Variants in RSPH6A observed in about 807,000 individuals in gnomAD.
The protein encoded by RSPH6A is radial spoke head protein 6 homolog A.
In RSPH6A, 49 loss-of-function variants were observed where a neutral mutation model predicts 66.1. That is an observed-to-expected ratio of 0.74 (90% CI 0.59 to 0.94). The LOEUF is 0.94. Ranked by LOEUF, RSPH6A falls within the 40% of genes least tolerant of loss-of-function variation. RSPH6A has a pLI of 0.00. For missense variants in RSPH6A, 977 were observed against 948.3 expected (o/e 1.03, Z -0.40); for synonymous variants, 419 against 402.4 (o/e 1.04, Z -0.49).
chr19:45,799,865 G>A (rs938633877), intron 5 of RSPH6A, among the ~76,000 whole-genome samples: 2 of 152,162 alleles, frequency 1.3e-5, no homozygotes, highest in Non-Finnish European at 2.9e-5. Flanking sequence ...TGGCCAACAT[G>A]GTGAAATCTT....
At chr19:45,803,696 A>AAG (rs71338801) in intron 3 of RSPH6A, among the ~76,000 whole-genome samples, 2 of 132,260 alleles carry the variant, frequency 1.5e-5, no homozygotes, top group Admixed American at 7.1e-5. Context: ...AAGAAAAGAA[A>AAG]AAAAAAAAAA....
chr19:45,804,762 G>A lies in RSPH6A; in HGVS notation c.1143C>T (p.Gly381=), dbSNP rs1412988088. 1 of 1,612,158 alleles carries A rather than the reference G, an allele frequency of 6.2e-7. No homozygotes were observed. Among genetic ancestry groups the A allele is most frequent in the Non-Finnish European group, 8.5e-7 (1 of 1,179,098 alleles). ...CCTCGCCGTGCGCCTCCATGACCTC[G>A]CCACCTTCCGTCATCTCCTCCACCT... ...EEEVEEMTEG[G]EVMEAHGEEE... The change falls in exon 3 of 6, where the codon GGC becomes GGT. Residue 381 remains glycine (G), a synonymous_variant. Coordinates refer to ENST00000221538, the MANE Select transcript of RSPH6A (RefSeq NM_030785.4). The surrounding 1 kb of genome is among the most constrained non-coding windows in gnomAD (Gnocchi z 5.8).
At chr19:45,811,538 A>G (rs1321925282) in intron 1 of RSPH6A, among the ~76,000 whole-genome samples, 1 of 142,108 alleles carries the variant, frequency 7.0e-6, no homozygotes, top group Non-Finnish European at 1.5e-5. Flanking sequence ...CCTGGGTTCA[A>G]GCGATTTTCC....
Position 45,804,831 on chromosome 19 carries a change from G to C in RSPH6A, c.1074C>G (p.Ala358=), listed in dbSNP as rs565373202. Residue 358 remains alanine (A), a synonymous_variant, in exon 3 of 6, where the codon GCC becomes GCG. Coordinates refer to ENST00000221538, the MANE Select transcript of RSPH6A (RefSeq NM_030785.4). This position sits in a 1 kb window ranked among gnomAD's most constrained non-coding sequence, Gnocchi z 5.8. ...CCTCGCCCTCCCGGAATTCCACCTC[G>C]GCCACCAGGTAGCTGCGTTTGATTC... is the stretch of plus-strand genomic sequence containing the variant. The part of the protein sequence containing the change: ...ILGIKRSYLV[A]EVEFREGEEE... 6.2e-7 allele frequency: 1 copy of C among 1,614,008 alleles called. No individual in the cohort carries two copies. Among genetic ancestry groups the C allele is most frequent in the South Asian group, 1.1e-5 (1 of 91,078 alleles).
intron 1 of RSPH6A, among the ~76,000 whole-genome samples, chr19:45,814,162 GA>G (rs1438808542): frequency 2.7e-5 from 4 of 150,376 alleles, no homozygotes; most frequent in Admixed American, 1.3e-4. Context: ...ATGTCTGGGG[GA>G]AAAAAAAAGC....
chr19:45,806,237 CACA>C (rs1970541419), intron 2 of RSPH6A, among the ~76,000 whole-genome samples: 1 of 151,890 alleles, frequency 6.6e-6, no homozygotes, highest in Non-Finnish European at 1.5e-5. Flanking sequence ...GCTTGATTCA[CACA>C]GCCAGAGGAT....
At position 45,814,665 on chromosome 19, in the gene RSPH6A, G is replaced by T; in HGVS notation, c.512C>A (p.Pro171His). The T allele has an allele frequency of 6.2e-7, 1 of 1,611,200 alleles. No individual in the cohort carries two copies. The highest frequency in any genetic ancestry group is 1.1e-5 in the South Asian group (1 of 90,614). ...CTCAGAGGGCAAGAACTGAAGGGCA[G>T]GGTCATCCCTTATGTAAGGCCCGTG... ...AQHGPYIRDDPALQFLPSELG... is the reference protein window; with the variant it reads ...AQHGPYIRDDHALQFLPSELG... Residue 171 changes from proline (P) to histidine (H), a missense_variant, in exon 1 of 6, where the codon CCT (proline) becomes CAT (histidine). Coordinates refer to ENST00000221538, the MANE Select transcript of RSPH6A (RefSeq NM_030785.4).
In RSPH6A at chr19:45,802,275, G is replaced by C; in HGVS notation, c.1654-11C>G. 8 of 1,365,724 alleles carry C rather than the reference G, an allele frequency of 5.9e-6. No individual in the cohort carries two copies. Among genetic ancestry groups the C allele is most frequent in the Non-Finnish European group, 7.7e-6 (8 of 1,044,242 alleles). The allele number at this position is 1,365,724 out of a possible 1,614,324, so 84.6% of individuals were successfully genotyped here. ...CCAAGTGCAGCGGCCCTGGGGGTGG[G>C]GGGAAGCTCAGGTGATGGCCCCAGT... On this transcript the variant is annotated splice_polypyrimidine_tract_variant and intron_variant, in intron 3 of 5. Coordinates refer to ENST00000221538, the MANE Select transcript of RSPH6A (RefSeq NM_030785.4).
chr19:45,800,524 C>A lies in RSPH6A; in HGVS notation c.1838G>T (p.Cys613Phe), dbSNP rs748027158. ...CACTGAGTACTGCGGGCAGAGGCTG[C>A]AGGACAGGCGGGTGGTCCAGGGTGC... ...HLAPWTTRLS[C>F]SLCPQYSVAV... Residue 613 changes from cysteine (C) to phenylalanine (F), a missense_variant, in exon 5 of 6, where the codon TGC becomes TTC. Physicochemically the swap from Cys to Phe is radical, Grantham distance 205 (BLOSUM62 -2). Coordinates refer to ENST00000221538, the MANE Select transcript of RSPH6A (RefSeq NM_030785.4). 3.1e-6 allele frequency: 5 copies of A among 1,613,256 alleles called. No homozygotes were observed. The highest frequency in any genetic ancestry group is 1.7e-5 in the Admixed American group (1 of 59,932).
rs1281674977 is a variant in RSPH6A, at chr19:45,814,922, C to T, written c.255G>A (p.Met85Ile). 3 of 1,614,000 alleles carry T rather than the reference C, an allele frequency of 1.9e-6. No individual in the cohort carries two copies. The African/African-American group carries it at 4.0e-5, about 22-fold the overall frequency. Residue 85 changes from methionine to isoleucine, a missense_variant, in exon 1 of 6, where the codon ATG becomes ATA. Transcript: ENST00000221538. ...FQAEEARLGGMEYPSVNTGFP... is the reference protein window; with the variant it reads ...FQAEEARLGGIEYPSVNTGFP... ...AGCCCGTGTTCACAGATGGGTACTC[C>T]ATGCCACCCAGCCGGGCTTCCTCAG...
Position 45,804,755 on chromosome 19 carries a change from T to A in RSPH6A, c.1150A>T (p.Met384Leu), listed in dbSNP as rs1022577465. Residue 384 changes from methionine (M) to leucine (L), a missense_variant, in exon 3 of 6, where the codon ATG becomes TTG. By Grantham distance (15) the Met-to-Leu change is conservative. Coordinates refer to ENST00000221538, the MANE Select transcript of RSPH6A (RefSeq NM_030785.4). The surrounding 1 kb of genome is among the most constrained non-coding windows in gnomAD (Gnocchi z 5.8). ...CCCTCCTCCTCGCCGTGCGCCTCCA[T>A]GACCTCGCCACCTTCCGTCATCTCC... Reference protein sequence around the residue: ...VEEMTEGGEVMEAHGEEEGEE... With the variant: ...VEEMTEGGEVLEAHGEEEGEE... 2 of 1,612,128 alleles carry A rather than the reference T, an allele frequency of 1.2e-6. No homozygotes were observed. The highest frequency in any genetic ancestry group is 1.7e-6 in the Non-Finnish European group (2 of 1,179,082).
intron 3 of RSPH6A, among the ~76,000 whole-genome samples, chr19:45,803,531 T>C (rs970653566): frequency 4.0e-5 from 6 of 151,454 alleles, no homozygotes; most frequent in Admixed American, 2.0e-4. Context: ...ACAAAATTAG[T>C]TGGGCGTGAT....
chr19:45,800,610 C>G (rs759180427), intron 4 of RSPH6A, 47 bp from the exon 5 acceptor site: 1 of 1,528,176 alleles, frequency 6.5e-7, no homozygotes, highest in East Asian at 2.3e-5. Context: ...CAGGGAGGCC[C>G]CCAGGCCCTG....
At chr19:45,801,527 G>A (rs901860568) in intron 4 of RSPH6A, among the ~76,000 whole-genome samples, 3 of 152,140 alleles carry the variant, frequency 2.0e-5, no homozygotes, top group Admixed American at 6.6e-5. Flanking sequence ...TTGGGAGGCC[G>A]AGTAAGGTGG....
chr19:45,808,081 A>T (rs2146287245), intron 2 of RSPH6A, among the ~76,000 whole-genome samples: 1 of 152,368 alleles, frequency 6.6e-6, no homozygotes, highest in East Asian at 1.9e-4. Flanking sequence ...AAACAAGTAA[A>T]ATAAGGTGTT....
rs201903476 is a variant in RSPH6A at position 45,804,326 on chromosome 19, C to A, written c.1579G>T (p.Glu527Ter). The A allele has an allele frequency of 6.2e-6, 10 of 1,614,098 alleles. No homozygotes were observed. The change falls in exon 3 of 6, where the codon GAG (glutamate) becomes TAG (stop). Residue 527 changes from glutamate to a stop codon, truncating the protein, a stop_gained. Transcript: ENST00000221538. LOFTEE classifies it high-confidence loss of function. The surrounding 1 kb of genome is among the most constrained non-coding windows in gnomAD (Gnocchi z 5.8). ...ACCAGCTCCAGCACGGGGATGCCCT[C>A]GAAGTCCGGGTTCTCCTCGTAGGAG... is the stretch of plus-strand genomic sequence containing the variant. ...RDSYEENPDF[E>*]GIPVLELVDS...
At chr19:45,802,484 GCATT>G (rs1309315277) in intron 3 of RSPH6A, among the ~76,000 whole-genome samples, 4 of 150,488 alleles carry the variant, frequency 2.7e-5, no homozygotes, top group Non-Finnish European at 5.9e-5. Context: ...CCCCATTCAT[GCATT>G]CATTCACTCA....
intron 5 of RSPH6A, among the ~76,000 whole-genome samples, chr19:45,799,647 G>C (rs1365155134): frequency 6.6e-6 from 1 of 152,034 alleles, no homozygotes; most frequent in Non-Finnish European, 1.5e-5. Context: ...CAGAGTGCTG[G>C]GATTACAGGC....
chr19:45,808,957 A>C (rs1600478098), intron 2 of RSPH6A, among the ~76,000 whole-genome samples: 2 of 147,606 alleles, frequency 1.4e-5, no homozygotes, highest in East Asian at 4.1e-4. Flanking sequence ...GTGAGCCATC[A>C]AGCCCGGCCG....
Sources: gnomAD v4.1 joint callset for allele counts (sites outside exome capture counted in the v4.1 genomes callset) on GRCh38, gnomAD v4.1.1 for gene constraint, Gnocchi (gnomAD v3.1) non-coding constraint, MANE v1.5 for transcripts, NCBI Gene and HGNC (gene_info 2026-07-23, HGNC 2026-07-21) for gene names.